Variants in TMEM243 observed in about 807,000 individuals in gnomAD.
The protein encoded by TMEM243 is transmembrane protein 243, also known as MDR1 and mitochondrial taxol resistance associated.
In TMEM243, 20 loss-of-function variants were observed where a neutral mutation model predicts 15.0. The observed-to-expected ratio is 1.33, with a 90% confidence interval of 0.94 to 1.93. The LOEUF (loss-of-function observed/expected upper bound fraction) is 1.93. Among genes scored for constraint, TMEM243 ranks in the 30% most tolerant of loss-of-function variants. The pLI is 0.00. For missense variants in TMEM243, 156 were observed against 142.1 expected (o/e 1.10, Z -0.50); for synonymous variants, 72 against 52.7 (o/e 1.37, Z -1.59).
intron 1 of TMEM243, among the ~76,000 whole-genome samples, chr7:87,211,898 G>T (rs1196378271): frequency 2.0e-5 from 3 of 152,212 alleles, no homozygotes; most frequent in Non-Finnish European, 2.9e-5. Context: ...ACTTCCCAAA[G>T]CAACACCAGA....
intron 1 of TMEM243, among the ~76,000 whole-genome samples, chr7:87,206,937 T>C (rs1292565609): frequency 6.6e-6 from 1 of 152,374 alleles, no homozygotes; most frequent in East Asian, 1.9e-4. Context: ...GGGCCTGGCC[T>C]ATCAATAGGA....
chr7:87,203,461 A>T (rs114075969), intron 1 of TMEM243, among the ~76,000 whole-genome samples: 1,637 of 152,146 alleles, frequency 0.011, 29 homozygotes, highest in African/African-American at 0.037. Flanking sequence ...AAAAAAATAT[A>T]AAAATTATCT....
Position 87,201,888 on chromosome 7 carries a change from C to T in TMEM243, c.79-2831G>A, listed in dbSNP as rs535573365. 3.9e-5 allele frequency among the ~76,000 whole-genome samples: 6 copies of T among 152,278 alleles called. 1 individual carries two copies. Among genetic ancestry groups the T allele is most frequent in the African/African-American group, 9.6e-5 (4 of 41,562 alleles). On this transcript the variant is annotated intron_variant, in intron 1 of 3. Transcript: ENST00000257637. Reference sequence around the variant, plus strand: ...GGCTTATTTTCACTCCACAAGGAAGCTTGACAGGACAAAGGATGGCAATTA... The same window carrying T: ...GGCTTATTTTCACTCCACAAGGAAGTTTGACAGGACAAAGGATGGCAATTA...
At position 87,204,194 on chromosome 7, in the gene TMEM243, G is replaced by T. The variant is rs139113386; in HGVS notation, c.79-5137C>A. Among the ~76,000 whole-genome samples the T allele has an allele frequency of 2.0e-5, 3 of 152,256 alleles. No homozygotes were observed. In the East Asian group the frequency reaches 5.8e-4, roughly 29 times the overall value. ...TCACTACTACGAGAACAGTATGGGG[G>T]AAACCGTCCCCATGATTCAGTCATC... On this transcript the variant is annotated intron_variant, in intron 1 of 3. Coordinates refer to ENST00000257637, the MANE Select transcript of TMEM243 (RefSeq NM_024315.4).
At position 87,199,186 on chromosome 7, in the gene TMEM243, A is replaced by G. The variant is rs888495124; in HGVS notation, c.79-129T>C. ...ATCCAGTCCTCTGAGCTTTACACAT[A>G]AAACTACCAGACAAAGCAAAGTGTA... On this transcript the variant is annotated intron_variant, in intron 1 of 3. Coordinates refer to ENST00000257637, the MANE Select transcript of TMEM243 (RefSeq NM_024315.4). 1.0e-5 allele frequency: 7 copies of G among 683,452 alleles called. No homozygotes were observed. In the African/African-American group the frequency reaches 1.3e-4, roughly 13 times the overall value. 42.3% of individuals were successfully genotyped at this position (683,452 alleles called of 1,614,324 possible).
intron 1 of TMEM243, among the ~76,000 whole-genome samples, chr7:87,209,893 AGT>A (rs1168720374): frequency 7.7e-6 from 1 of 130,364 alleles, no homozygotes; most frequent in African/African-American, 3.0e-5. Flanking sequence ...CGTGAGAGAC[AGT>A]GAGAGAGTGA....
intron 2 of TMEM243, chr7:87,198,508 A>G (rs920285436): frequency 1.8e-5 from 3 of 168,690 alleles, no homozygotes; most frequent in Admixed American, 1.8e-4. Flanking sequence ...GAAGCCATGG[A>G]AAAAAATTCT....
chr7:87,212,755 G>A (rs1330616891), intron 1 of TMEM243, among the ~76,000 whole-genome samples: 10 of 152,086 alleles, frequency 6.6e-5, no homozygotes, highest in Non-Finnish European at 2.9e-5. Context: ...TTTTGATAAC[G>A]CTAAATTCTC....
chr7:87,207,423 G>A (rs1802311088), intron 1 of TMEM243, among the ~76,000 whole-genome samples: 1 of 21,298 alleles, frequency 4.7e-5, no homozygotes, highest in Non-Finnish European at 1.2e-4. Context: ...GTGAAACCCC[G>A]TCTCTACTAA....
chr7:87,196,855 GAGAC>G (rs1210002147), intron 3 of TMEM243, 97 bp from the exon 4 acceptor site: 7 of 814,802 alleles, frequency 8.6e-6, no homozygotes, highest in African/African-American at 5.3e-5. Context: ...TCCCCTAAAT[GAGAC>G]AGACATTCTC....
chr7:87,201,907 G>T (rs1470534646), intron 1 of TMEM243, among the ~76,000 whole-genome samples: 7 of 152,172 alleles, frequency 4.6e-5, no homozygotes, highest in Non-Finnish European at 1.0e-4. Flanking sequence ...ACAAAGGATG[G>T]CAATTAGCCT....
intron 1 of TMEM243, among the ~76,000 whole-genome samples, chr7:87,215,750 T>A (rs1803059240): frequency 1.3e-5 from 2 of 152,334 alleles, no homozygotes; most frequent in Middle Eastern, 3.4e-3. Context: ...CTAGGATTCA[T>A]AAGATAGCCA....
At chr7:87,198,974 A>G in intron 2 of TMEM243, 33 bp downstream of exon 2, 7 of 1,564,168 alleles carry the variant, frequency 4.5e-6, no homozygotes, top group African/African-American at 1.4e-5. Context: ...ACTGGCTAAG[A>G]GCCTGGGTGA....
intron 1 of TMEM243, chr7:87,203,036 G>A (rs1324227798): frequency 1.3e-5 from 2 of 152,408 alleles, no homozygotes; most frequent in Non-Finnish European, 2.9e-5. Flanking sequence ...ATGGCCCTGG[G>A]AGGAAACTGG....
intron 1 of TMEM243, among the ~76,000 whole-genome samples, chr7:87,209,680 G>C (rs1466392546): frequency 8.0e-6 from 1 of 124,890 alleles, no homozygotes. Flanking sequence ...GCGAGAGCGA[G>C]ACACAGCGAG....
At chr7:87,218,146 GT>G (rs34387383) in intron 1 of TMEM243, among the ~76,000 whole-genome samples, 2 of 152,108 alleles carry the variant, frequency 1.3e-5, no homozygotes, top group Admixed American at 1.3e-4. Flanking sequence ...ATTTGTCTAC[GT>G]TTTTTTTCTC....
At chr7:87,197,042 G>A (rs748279880) in intron 3 of TMEM243, among the ~76,000 whole-genome samples, 13 of 151,964 alleles carry the variant, frequency 8.6e-5, no homozygotes, top group Non-Finnish European at 1.9e-4. Context: ...ACATATACCT[G>A]GGCATACTAC....
chr7:87,220,518 G>A (rs1472995451), upstream of TMEM243: 1 of 152,296 alleles, frequency 6.6e-6, no homozygotes, highest in Non-Finnish European at 1.5e-5. Context: ...CAGCGCTGCG[G>A]ATCACCTCCC....
intron 1 of TMEM243, among the ~76,000 whole-genome samples, chr7:87,204,706 C>A (rs1347290441): frequency 6.6e-6 from 1 of 152,206 alleles, no homozygotes; most frequent in Non-Finnish European, 1.5e-5. Flanking sequence ...CAGGGTACAG[C>A]CTCCCTCCCA....
Sources: allele counts gnomAD v4.1 joint callset (sites outside exome capture counted in the v4.1 genomes callset), GRCh38; gene constraint gnomAD v4.1.1; transcripts MANE v1.5; gene names NCBI Gene and HGNC (gene_info 2026-07-23, HGNC 2026-07-21).